Variants in DPP10 observed in about 807,000 individuals in gnomAD.
DPP10 encodes inactive dipeptidyl peptidase 10.
In DPP10, 33 loss-of-function variants were observed where a neutral mutation model predicts 120.9. The ratio of observed to expected loss-of-function variants is 0.27; its 90% CI spans 0.21 to 0.37. The LOEUF is 0.37. Ranked by LOEUF, DPP10 falls within the 10% of genes least tolerant of loss-of-function variation. The probability of loss-of-function intolerance (pLI) is 1.00; values close to 1 mark genes in which losing one functional copy is unlikely to be tolerated. For synonymous variants in DPP10, 337 were observed against 326.1 expected, an observed-to-expected ratio of 1.03 and a Z score of -0.36; for missense variants, 816 against 942.8, an observed-to-expected ratio of 0.87 and a Z score of 1.76.
intron 1 of DPP10, among the ~76,000 whole-genome samples, chr2:114,824,189 T>C (rs1381512693): frequency 6.6e-6 from 1 of 152,224 alleles, no homozygotes; most frequent in Non-Finnish European, 1.5e-5. Context: ...CAAATCAGTC[T>C]GTGCTTATGA....
chr2:115,648,231 A>C (rs72947996), intron 5 of DPP10, among the ~76,000 whole-genome samples: 1 of 152,064 alleles, frequency 6.6e-6, no homozygotes, highest in South Asian at 2.1e-4. Flanking sequence ...TCATAGAAGC[A>C]GAGTAGAATC....
intron 1 of DPP10, among the ~76,000 whole-genome samples, chr2:114,974,696 T>A (rs1032111916): frequency 6.6e-6 from 1 of 151,380 alleles, no homozygotes; most frequent in African/African-American, 2.4e-5. Flanking sequence ...CGTGAGCCAC[T>A]GCACCCAGCC....
intron 1 of DPP10, among the ~76,000 whole-genome samples, chr2:114,981,613 C>G (rs1205439112): frequency 3.9e-5 from 6 of 152,056 alleles, no homozygotes; most frequent in African/African-American, 1.4e-4. Context: ...CCGGGTCTCT[C>G]TCTGTTATCC....
chr2:115,018,849 C>G (rs192543088), intron 1 of DPP10, among the ~76,000 whole-genome samples: 120 of 152,238 alleles, frequency 7.9e-4, no homozygotes, highest in African/African-American at 2.7e-3. Context: ...TATCCCAGAA[C>G]TTAAAGTATG....
intron 3 of DPP10, among the ~76,000 whole-genome samples, chr2:115,390,357 G>A (rs2106537415): frequency 6.6e-6 from 1 of 152,242 alleles, no homozygotes; most frequent in East Asian, 1.9e-4. Context: ...TAACCAACTG[G>A]TATTTTCTGC....
At chr2:114,907,588 T>C (rs950329030) in intron 1 of DPP10, among the ~76,000 whole-genome samples, 5 of 152,162 alleles carry the variant, frequency 3.3e-5, no homozygotes. Context: ...TAAATATTCC[T>C]GCATATTCTT....
rs116975355 is a variant in DPP10 at position 115,175,990 on chromosome 2, G to C, written c.61-133249G>C. Among the ~76,000 whole-genome samples the C allele has an allele frequency of 2.8e-3, 426 of 152,204 alleles. 11 individuals carry two copies. In the East Asian group the frequency reaches 0.047, roughly 17 times the overall value. Reference sequence around the variant, plus strand: ...GTCCAAGATTCTGCATTTATAGCAGGTGCCCAGATGATGCCTAGTCTGTGG... The same window carrying C: ...GTCCAAGATTCTGCATTTATAGCAGCTGCCCAGATGATGCCTAGTCTGTGG... On this transcript the variant is annotated intron_variant, in intron 1 of 25. Transcript: ENST00000410059.
intron 1 of DPP10, among the ~76,000 whole-genome samples, chr2:114,557,895 T>C (rs1340199575): frequency 6.6e-6 from 1 of 152,166 alleles, no homozygotes; most frequent in African/African-American, 2.4e-5. Flanking sequence ...TGACATGGGA[T>C]GTATTTTGAT....
chr2:115,020,109 CAA>C (rs886614215), intron 1 of DPP10, among the ~76,000 whole-genome samples: 5 of 151,978 alleles, frequency 3.3e-5, no homozygotes, highest in African/African-American at 1.2e-4. Flanking sequence ...AAAAAAAACC[CAA>C]GTTATTCAGA....
intron 1 of DPP10, among the ~76,000 whole-genome samples, chr2:114,925,370 G>A (rs1294822914): frequency 1.3e-5 from 2 of 152,122 alleles, no homozygotes; most frequent in Admixed American, 6.5e-5. Flanking sequence ...GAAGGCAGAA[G>A]GGAGCAAAGA....
At chr2:114,992,531 A>G (rs999585333) in intron 1 of DPP10, among the ~76,000 whole-genome samples, 1 of 152,170 alleles carries the variant, frequency 6.6e-6, no homozygotes, top group Non-Finnish European at 1.5e-5. Flanking sequence ...TTTTGGGGTT[A>G]TGTTAACTGA....
chr2:114,804,859 A>G (rs1362731018), intron 1 of DPP10, among the ~76,000 whole-genome samples: 1 of 152,068 alleles, frequency 6.6e-6, no homozygotes, highest in Non-Finnish European at 1.5e-5. Flanking sequence ...TTGGGAAGGC[A>G]TGATTGGTTT....
intron 1 of DPP10, among the ~76,000 whole-genome samples, chr2:114,664,041 T>G (rs1697702672): frequency 6.6e-6 from 1 of 152,030 alleles, no homozygotes; most frequent in Non-Finnish European, 1.5e-5. Context: ...ATGCTACAGT[T>G]GAATCCTCAC....
At chr2:114,795,965 T>C (rs1683673201) in intron 1 of DPP10, among the ~76,000 whole-genome samples, 1 of 152,118 alleles carries the variant, frequency 6.6e-6, no homozygotes, top group Non-Finnish European at 1.5e-5. Flanking sequence ...TACAATTAAG[T>C]AGTATGTAAC....
chr2:115,601,696 G>A (rs1008304570), intron 5 of DPP10, among the ~76,000 whole-genome samples: 1 of 152,110 alleles, frequency 6.6e-6, no homozygotes, highest in African/African-American at 2.4e-5. Context: ...TTTAAATGGA[G>A]ACGGAGTCTT....
intron 1 of DPP10, among the ~76,000 whole-genome samples, chr2:115,184,764 G>A (rs993519623): frequency 6.6e-6 from 1 of 152,116 alleles, no homozygotes; most frequent in Non-Finnish European, 1.5e-5. Flanking sequence ...ACATATTGTC[G>A]GGATCTCTGA....
chr2:115,408,971 T>A (rs552936954), intron 3 of DPP10, among the ~76,000 whole-genome samples: 156 of 151,664 alleles, frequency 1.0e-3, no homozygotes, highest in Non-Finnish European at 1.9e-3. Context: ...GTGAAAAGAA[T>A]GAAAAAGAAA....
At chr2:115,177,468 C>A (rs2053770122) in intron 1 of DPP10, among the ~76,000 whole-genome samples, 1 of 152,130 alleles carries the variant, frequency 6.6e-6, no homozygotes, top group African/African-American at 2.4e-5. Flanking sequence ...ATAAAACACA[C>A]AATCTTCTTT....
At chr2:115,003,981 T>A (rs1701633814) in intron 1 of DPP10, among the ~76,000 whole-genome samples, 1 of 152,228 alleles carries the variant, frequency 6.6e-6, no homozygotes, top group Non-Finnish European at 1.5e-5. Flanking sequence ...AGTTATTAGT[T>A]TATTCACCAA....
Sources: allele counts gnomAD v4.1 joint callset (sites outside exome capture counted in the v4.1 genomes callset), GRCh38; gene constraint gnomAD v4.1.1; transcripts MANE v1.5; gene names NCBI Gene and HGNC (gene_info 2026-07-23, HGNC 2026-07-21).